The following SLC24A2 variants were observed in gnomAD, a reference collection of about 807,000 sequenced individuals.
SLC24A2 encodes sodium/potassium/calcium exchanger 2.
A neutral mutation model predicts 62.0 loss-of-function variants in SLC24A2; 36 were observed. The observed-to-expected ratio is 0.58, with a 90% confidence interval of 0.44 to 0.77. The LOEUF (loss-of-function observed/expected upper bound fraction) is 0.77, where lower values mean the gene tolerates loss of function less well. Among genes scored for constraint, SLC24A2 ranks in the 30% least tolerant of loss-of-function variants. The pLI, the probability that SLC24A2 is intolerant of heterozygous loss-of-function variation, is 0.00. For synonymous variants in SLC24A2, 358 were observed against 294.0 expected (o/e 1.22, Z -2.23); for missense variants, 846 against 817.9 (o/e 1.03, Z -0.42).
chr9:20,161,081 A>T, the SLC24A2 span, among the ~76,000 whole-genome samples: 4 of 151,460 alleles, frequency 2.6e-5, no homozygotes, highest in African/African-American at 9.7e-5. Flanking sequence ...AAACTTCTTT[A>T]AAAAATTATG....
intron 8 of SLC24A2, among the ~76,000 whole-genome samples, chr9:19,544,078 A>T (rs920372662): frequency 1.3e-5 from 2 of 151,950 alleles, no homozygotes; most frequent in Non-Finnish European, 2.9e-5. Context: ...CTCTTTGTGG[A>T]TCTCTAAGAA....
At chr9:20,049,049 C>T in the SLC24A2 span, among the ~76,000 whole-genome samples, 1 of 152,098 alleles carries the variant, frequency 6.6e-6, no homozygotes. Flanking sequence ...GTTTTATCAG[C>T]AATCCAAAGT....
At chr9:20,212,828 T>C in the SLC24A2 span, among the ~76,000 whole-genome samples, 2 of 151,518 alleles carry the variant, frequency 1.3e-5, no homozygotes, top group Non-Finnish European at 2.9e-5. Context: ...ATATGTATAC[T>C]GAAATACAAA....
At chr9:20,140,876 T>C in the SLC24A2 span, among the ~76,000 whole-genome samples, 1 of 152,274 alleles carries the variant, frequency 6.6e-6, no homozygotes, top group Non-Finnish European at 1.5e-5. Context: ...CTTTCCAAAA[T>C]TGAAAATTCC....
rs140171628 is a variant in SLC24A2 at position 19,726,757 on chromosome 9, C to A, written c.930+59180G>T. ...GCTAAATTCATTTGCAGTTTACCAACTGTTCTATAGAATATTTTTGCACCC... is the reference window on the plus strand; with the variant it reads ...GCTAAATTCATTTGCAGTTTACCAAATGTTCTATAGAATATTTTTGCACCC... On this transcript the variant is annotated intron_variant, in intron 2 of 10. Transcript: ENST00000341998. Among the ~76,000 whole-genome samples the A allele has an allele frequency of 2.1e-3, 313 of 152,300 alleles. 8 individuals are homozygous for A. Among genetic ancestry groups the A allele is most frequent in the Non-Finnish European group, 5.9e-4 (40 of 68,034 alleles).
the SLC24A2 span, among the ~76,000 whole-genome samples, chr9:20,272,368 G>C: frequency 6.6e-6 from 1 of 152,058 alleles, no homozygotes; most frequent in East Asian, 1.9e-4. Context: ...AGTTCGACCC[G>C]TCCCTTAATG....
intron 5 of SLC24A2, among the ~76,000 whole-genome samples, chr9:19,588,657 C>G (rs1226657182): frequency 6.6e-6 from 1 of 152,112 alleles, no homozygotes; most frequent in Non-Finnish European, 1.5e-5. Context: ...CTTCAAAGGA[C>G]TTATTTAAAT....
the SLC24A2 span, among the ~76,000 whole-genome samples, chr9:20,193,722 T>C: frequency 6.6e-6 from 1 of 152,110 alleles, no homozygotes; most frequent in African/African-American, 2.4e-5. Context: ...AAAAAATAAC[T>C]GAATAATTAG....
chr9:19,877,819 A>T, the SLC24A2 span, among the ~76,000 whole-genome samples: 2 of 152,154 alleles, frequency 1.3e-5, no homozygotes, highest in African/African-American at 4.8e-5. Flanking sequence ...AGTAACTGGG[A>T]CTTCTAGGTT....
At chr9:19,953,036 C>T in the SLC24A2 span, among the ~76,000 whole-genome samples, 1 of 151,834 alleles carries the variant, frequency 6.6e-6, no homozygotes, top group Non-Finnish European at 1.5e-5. Flanking sequence ...ATCCAAGTTG[C>T]CAATTTATTA....
the SLC24A2 span, among the ~76,000 whole-genome samples, chr9:20,272,444 T>C: frequency 0.13 from 19,102 of 152,132 alleles, 1,258 homozygotes; most frequent in Middle Eastern, 0.16. Context: ...ACTCCACAAA[T>C]GTAAGCTGAG....
At chr9:20,155,765 C>G in the SLC24A2 span, among the ~76,000 whole-genome samples, 10 of 151,660 alleles carry the variant, frequency 6.6e-5, no homozygotes, top group Non-Finnish European at 1.3e-4. Context: ...AAGGTGAATA[C>G]GTATTCATCA....
At chr9:20,017,218 T>A in the SLC24A2 span, among the ~76,000 whole-genome samples, 1 of 152,114 alleles carries the variant, frequency 6.6e-6, no homozygotes, top group Non-Finnish European at 1.5e-5. Flanking sequence ...AGACAGGGTT[T>A]CACCACGTTG....
the SLC24A2 span, among the ~76,000 whole-genome samples, chr9:20,072,141 G>A: frequency 6.6e-6 from 1 of 152,034 alleles, no homozygotes; most frequent in Non-Finnish European, 1.5e-5. Context: ...CTTTCATGGA[G>A]ACTTCATAGG....
At chr9:20,104,967 G>C in the SLC24A2 span, among the ~76,000 whole-genome samples, 1 of 152,118 alleles carries the variant, frequency 6.6e-6, no homozygotes, top group Admixed American at 6.5e-5. Context: ...CATGTGCAGA[G>C]ACACACATAG....
chr9:19,941,663 G>A, the SLC24A2 span, among the ~76,000 whole-genome samples: 2 of 151,780 alleles, frequency 1.3e-5, no homozygotes, highest in Admixed American at 1.3e-4. Flanking sequence ...ACACATGTGG[G>A]CTAAAATGCC....
chr9:19,896,068 C>G, the SLC24A2 span: 5 of 1,006,742 alleles, frequency 5.0e-6, no homozygotes, highest in East Asian at 7.7e-5. Flanking sequence ...TGGACTGGAT[C>G]GAGGAGGCAG....
chr9:19,912,429 C>T, the SLC24A2 span, among the ~76,000 whole-genome samples: 2 of 152,230 alleles, frequency 1.3e-5, no homozygotes, highest in East Asian at 1.9e-4. Flanking sequence ...GGTTGGAAAT[C>T]ATCGGTTTCA....
intron 2 of SLC24A2, among the ~76,000 whole-genome samples, chr9:19,729,941 T>A (rs1166649303): frequency 6.6e-6 from 1 of 152,194 alleles, no homozygotes; most frequent in African/African-American, 2.4e-5. Flanking sequence ...ATCTGATTAC[T>A]ATACATTATT....
Sources: allele counts gnomAD v4.1 joint callset (sites outside exome capture counted in the v4.1 genomes callset), GRCh38; gene constraint gnomAD v4.1.1; transcripts MANE v1.5; gene names NCBI Gene and HGNC (gene_info 2026-07-23, HGNC 2026-07-21).